PNPT1: variants seen among roughly 807,000 people sequenced by gnomAD.
PNPT1 encodes polyribonucleotide nucleotidyltransferase 1.
A neutral mutation model predicts 119.5 loss-of-function variants in PNPT1; 53 were observed. The ratio of observed to expected loss-of-function variants is 0.44; its 90% CI spans 0.36 to 0.56. The LOEUF (loss-of-function observed/expected upper bound fraction) is 0.56, where lower values mean the gene tolerates loss of function less well. Ranked by LOEUF, PNPT1 falls within the 20% of genes least tolerant of loss-of-function variation. The pLI is 0.00. For synonymous variants in PNPT1, 357 were observed against 322.1 expected (o/e 1.11, Z -1.16); for missense variants, 948 against 938.5 (o/e 1.01, Z -0.13).
intron 14 of PNPT1, among the ~76,000 whole-genome samples, chr2:55,661,333 C>T (rs1245344215): frequency 4.6e-5 from 7 of 151,982 alleles, no homozygotes; most frequent in Non-Finnish European, 1.0e-4. Flanking sequence ...CTTCAGGATC[C>T]ACCCACCTCG....
At chr2:55,681,272 T>G (rs751012379) in intron 5 of PNPT1, among the ~76,000 whole-genome samples, 1 of 152,056 alleles carries the variant, frequency 6.6e-6, no homozygotes, top group Non-Finnish European at 1.5e-5. Context: ...CCGGGTGTAG[T>G]GGCCGGTGCC....
intron 11 of PNPT1, among the ~76,000 whole-genome samples, chr2:55,669,199 T>G (rs540254823): frequency 6.6e-6 from 1 of 151,804 alleles, no homozygotes; most frequent in Non-Finnish European, 1.5e-5. Flanking sequence ...AAATAAAAAA[T>G]AAAGAGGTGG....
At position 55,643,373 on chromosome 2, in the gene PNPT1, T is replaced by G; in HGVS notation, c.1959A>C (p.Thr653=). ...CTCTTGCCTCATGCATAGCACTGGG[T>G]GTTGGTGCAAATACAGAAAACGTTT... ...DEETFSVFAP[T]PSAMHEARDF... The change falls in exon 24 of 28, where the codon ACA becomes ACC. Residue 653 remains threonine (T), a synonymous_variant. Transcript: ENST00000447944. The G allele has an allele frequency of 6.2e-7, 1 of 1,614,180 alleles. No individual in the cohort carries two copies. Among genetic ancestry groups the G allele is most frequent in the Non-Finnish European group, 8.5e-7 (1 of 1,180,028 alleles).
intron 1 of PNPT1, among the ~76,000 whole-genome samples, chr2:55,693,217 C>T (rs995119689): frequency 2.6e-5 from 4 of 152,196 alleles, no homozygotes; most frequent in African/African-American, 9.7e-5. Context: ...ACGTGGGGGA[C>T]CCGTGGTGCA....
rs1047325606 is a variant in PNPT1 at position 55,672,837 on chromosome 2, C to G, written c.866+56G>C. The G allele has an allele frequency of 6.1e-6, 9 of 1,482,652 alleles. No individual in the cohort carries two copies. The African/African-American group carries it at 1.1e-4, about 19-fold the overall frequency. 91.8% of individuals were successfully genotyped at this position (1,482,652 alleles called of 1,614,324 possible). A position where few individuals can be genotyped will look rare whatever the true frequency, so the allele number is the denominator to read the frequency against. On this transcript the variant is annotated intron_variant, in intron 9 of 27. Transcript: ENST00000447944. The stretch of plus-strand genomic sequence containing the variant: ...GCTTCCATGGGAAGTTTCTCTCCCA[C>G]GAGGAAATTAAATCTGATGACAATT...
At chr2:55,669,183 A>T (rs1034926185) in intron 11 of PNPT1, among the ~76,000 whole-genome samples, 26 of 145,768 alleles carry the variant, frequency 1.8e-4, no homozygotes, top group African/African-American at 5.0e-4. Flanking sequence ...GTTTAAAAAA[A>T]AACATAAATA....
chr2:55,672,759 G>C (rs1441248616), intron 9 of PNPT1, 134 bp downstream of exon 9: 3 of 785,698 alleles, frequency 3.8e-6, no homozygotes, highest in East Asian at 5.7e-5. Flanking sequence ...GATATTTATG[G>C]GAATGACTCT....
chr2:55,667,790 C>T, intron 12 of PNPT1, 72 bp downstream of exon 12: 1 of 1,523,086 alleles, frequency 6.6e-7, no homozygotes, highest in East Asian at 2.4e-5. Flanking sequence ...TTTCTTTGAT[C>T]AAGTTTCCAT....
intron 1 of PNPT1, among the ~76,000 whole-genome samples, chr2:55,688,396 T>A (rs1389907471): frequency 6.6e-6 from 1 of 152,076 alleles, no homozygotes; most frequent in East Asian, 1.9e-4. Flanking sequence ...ACTACAGTAA[T>A]GTTTTAACAT....
At chr2:55,663,935 G>A (rs1696657014) in intron 13 of PNPT1, among the ~76,000 whole-genome samples, 1 of 151,380 alleles carries the variant, frequency 6.6e-6, no homozygotes, top group African/African-American at 2.4e-5. Flanking sequence ...CTTGCCGTGA[G>A]CCGAGATCAC....
chr2:55,656,016 C>T (rs1426850402), intron 17 of PNPT1, 115 bp downstream of exon 17: 1 of 1,302,828 alleles, frequency 7.7e-7, no homozygotes, highest in Non-Finnish European at 1.0e-6. Flanking sequence ...TTTTCTCTTG[C>T]AACAAACTTG....
intron 8 of PNPT1, among the ~76,000 whole-genome samples, chr2:55,674,517 C>G (rs752701819): frequency 6.6e-6 from 1 of 152,146 alleles, no homozygotes; most frequent in Non-Finnish European, 1.5e-5. Flanking sequence ...CACTTGAACC[C>G]AGGAGGTGGA....
chr2:55,638,386 G>C (rs571141790), intron 26 of PNPT1, among the ~76,000 whole-genome samples: 1 of 152,026 alleles, frequency 6.6e-6, no homozygotes, highest in Non-Finnish European at 1.5e-5. Flanking sequence ...AACAGGCTGG[G>C]TACAGTGGCT....
chr2:55,679,556 G>T (rs1417202010), intron 8 of PNPT1, 126 bp downstream of exon 8: 4 of 629,240 alleles, frequency 6.4e-6, no homozygotes, highest in Non-Finnish European at 1.1e-5. Flanking sequence ...AAATAGGACA[G>T]AGATAAAACA....
intron 1 of PNPT1, among the ~76,000 whole-genome samples, chr2:55,689,761 G>A (rs1424488778): frequency 6.6e-6 from 1 of 152,160 alleles, no homozygotes; most frequent in Non-Finnish European, 1.5e-5. Context: ...TAAAATTGAT[G>A]GTGGTAATGG....
rs768294080 is a variant in PNPT1 at position 55,661,921 on chromosome 2, T to C, written c.1247+35A>G. 9.3e-6 allele frequency: 14 copies of C among 1,510,404 alleles called. No homozygotes were observed. In the Admixed American group the frequency reaches 2.7e-4, roughly 29 times the overall value. The allele number at this position is 1,510,404 out of a possible 1,614,324, so 93.6% of individuals were successfully genotyped here. On this transcript the variant is annotated intron_variant, in intron 14 of 27. Transcript: ENST00000447944. ...GCTTTAATTATATAATAGAACATCA[T>C]AAAACGTAACAAACATCTTAAAAAC...
At chr2:55,669,186 CAT>C (rs897701956) in intron 11 of PNPT1, among the ~76,000 whole-genome samples, 6 of 114,532 alleles carry the variant, frequency 5.2e-5, no homozygotes, top group African/African-American at 1.8e-4. Flanking sequence ...TAAAAAAAAA[CAT>C]AAATAAAAAA....
chr2:55,690,436 C>G (rs951817753), intron 1 of PNPT1, among the ~76,000 whole-genome samples: 3 of 152,186 alleles, frequency 2.0e-5, no homozygotes, highest in Non-Finnish European at 2.9e-5. Flanking sequence ...AAACCAAACA[C>G]AAGCATGTAG....
At chr2:55,667,369 C>A (rs908868347) in intron 12 of PNPT1, among the ~76,000 whole-genome samples, 1 of 152,030 alleles carries the variant, frequency 6.6e-6, no homozygotes, top group Non-Finnish European at 1.5e-5. Context: ...CCGAGGCAGG[C>A]GGATCACGAG....
Sources: allele counts gnomAD v4.1 joint callset (sites outside exome capture counted in the v4.1 genomes callset), GRCh38; gene constraint gnomAD v4.1.1; transcripts MANE v1.5; gene names NCBI Gene and HGNC (gene_info 2026-07-23, HGNC 2026-07-21).